Variants in FSD1L observed in about 807,000 individuals in gnomAD.
FSD1L encodes FSD1-like protein.
In FSD1L, 45 loss-of-function variants were observed where a neutral mutation model predicts 71.6. The ratio of observed to expected loss-of-function variants is 0.63; its 90% CI spans 0.49 to 0.81. FSD1L has a LOEUF of 0.81. Among genes scored for constraint, FSD1L ranks in the 30% least tolerant of loss-of-function variants. The probability of loss-of-function intolerance (pLI) is 0.00; values close to 1 mark genes in which losing one functional copy is unlikely to be tolerated. For synonymous variants in FSD1L, 197 were observed against 207.2 expected, an observed-to-expected ratio of 0.95 and a Z score of 0.42; for missense variants, 561 against 618.1, an observed-to-expected ratio of 0.91 and a Z score of 0.98.
intron 10 of FSD1L, chr9:105,526,286 C>A (rs1262845040): frequency 1.2e-6 from 2 of 1,606,734 alleles, no homozygotes; most frequent in Non-Finnish European, 1.7e-6. Context: ...GAACCAACAA[C>A]ATTTGAAGAT....
intron 7 of FSD1L, among the ~76,000 whole-genome samples, chr9:105,492,348 C>A (rs1189593440): frequency 6.6e-6 from 1 of 152,022 alleles, no homozygotes; most frequent in East Asian, 1.9e-4. Context: ...GGTGAGATCC[C>A]CTTTATCATT....
chr9:105,482,302 T>A (rs1329835952), intron 6 of FSD1L, among the ~76,000 whole-genome samples: 1 of 152,192 alleles, frequency 6.6e-6, no homozygotes, highest in East Asian at 1.9e-4. Flanking sequence ...GGCATGTACT[T>A]CTGGGGACTT....
chr9:105,464,006 A>T (rs1830890748), intron 2 of FSD1L, among the ~76,000 whole-genome samples: 1 of 152,174 alleles, frequency 6.6e-6, no homozygotes, highest in Non-Finnish European at 1.5e-5. Context: ...GAAAAGTATC[A>T]TGGTGATTAA....
chr9:105,519,135 CAA>C (rs1438661562), intron 10 of FSD1L, among the ~76,000 whole-genome samples: 2 of 152,258 alleles, frequency 1.3e-5, no homozygotes, highest in East Asian at 3.9e-4. Context: ...AGACCAATAA[CAA>C]ATTCTGAAAT....
intron 8 of FSD1L, among the ~76,000 whole-genome samples, chr9:105,507,690 T>A (rs553092615): frequency 2.6e-5 from 4 of 152,182 alleles, no homozygotes; most frequent in Admixed American, 1.3e-4. Context: ...ATAAAAATTA[T>A]TTAGGGTGTT....
chr9:105,515,136 C>T (rs1219453302), intron 10 of FSD1L, among the ~76,000 whole-genome samples: 1 of 152,134 alleles, frequency 6.6e-6, no homozygotes, highest in Non-Finnish European at 1.5e-5. Context: ...TGCACCAAGT[C>T]TGGTGCGAGA....
At chr9:105,448,467 T>G (rs1829768075) in intron 1 of FSD1L, among the ~76,000 whole-genome samples, 1 of 152,204 alleles carries the variant, frequency 6.6e-6, no homozygotes, top group Admixed American at 6.5e-5. Context: ...CTCTGCGCGC[T>G]GTCCGGGGCC....
In FSD1L at chr9:105,521,236, A is replaced by G. The variant is rs1437766587; in HGVS notation, c.1025+8300A>G. The G allele has an allele frequency of 2.5e-6, 4 of 1,614,098 alleles. No homozygotes were observed. In the South Asian group the frequency reaches 3.3e-5, roughly 13 times the overall value. On this transcript the variant is annotated intron_variant, in intron 10 of 13. Transcript: ENST00000481272. ...ACAGGACCTCATATTCCTGGGATGG[A>G]AGGTGAAGTCTTGCCAAAGAATATT...
chr9:105,455,277 C>G (rs1830292276), intron 1 of FSD1L, among the ~76,000 whole-genome samples: 1 of 152,168 alleles, frequency 6.6e-6, no homozygotes, highest in South Asian at 2.1e-4. Flanking sequence ...CTCAGCCTGC[C>G]ACCACTGGAC....
At chr9:105,513,057 C>A (rs1589049274) in intron 10 of FSD1L, 121 bp downstream of exon 10, 4 of 741,726 alleles carry the variant, frequency 5.4e-6, no homozygotes, top group Non-Finnish European at 7.9e-6. Flanking sequence ...ATATTAGTAG[C>A]ACCAAAGTGA....
chr9:105,490,178 C>T (rs1447473054), intron 7 of FSD1L, among the ~76,000 whole-genome samples: 1 of 152,148 alleles, frequency 6.6e-6, no homozygotes, highest in African/African-American at 2.4e-5. Flanking sequence ...TGTTTCCTGA[C>T]TTTTTAATGA....
intron 10 of FSD1L, chr9:105,513,656 C>T (rs1013202768): frequency 1.3e-6 from 2 of 1,509,642 alleles, no homozygotes; most frequent in African/African-American, 1.4e-5. Flanking sequence ...CTGTCTAGTT[C>T]TAGGACTTAG....
chr9:105,509,878 A>G (rs1834294943), intron 9 of FSD1L, among the ~76,000 whole-genome samples: 1 of 152,234 alleles, frequency 6.6e-6, no homozygotes, highest in South Asian at 2.1e-4. Flanking sequence ...TTTTAAAATA[A>G]TAGTCATATG....
intron 7 of FSD1L, among the ~76,000 whole-genome samples, chr9:105,492,134 CTT>C (rs1393057070): frequency 6.6e-6 from 1 of 151,924 alleles, no homozygotes; most frequent in East Asian, 1.9e-4. Flanking sequence ...GTCCTGGACT[CTT>C]TTTGGTTGGT....
chr9:105,470,783 C>A (rs1564089557), intron 4 of FSD1L, among the ~76,000 whole-genome samples: 1 of 152,090 alleles, frequency 6.6e-6, no homozygotes, highest in Non-Finnish European at 1.5e-5. Flanking sequence ...TTAAATAATT[C>A]AAGGATAATT....
intron 10 of FSD1L, among the ~76,000 whole-genome samples, chr9:105,517,680 C>CCGTT (rs1834819548): frequency 6.6e-6 from 1 of 152,104 alleles, no homozygotes; most frequent in South Asian, 2.1e-4. Context: ...ATGGAAAGAA[C>CCGTT]CATTGGTACC....
chr9:105,450,057 T>G (rs973395804), intron 1 of FSD1L, among the ~76,000 whole-genome samples: 3 of 152,244 alleles, frequency 2.0e-5, no homozygotes, highest in African/African-American at 7.2e-5. Context: ...GGTTTATAGC[T>G]GTAAAAAGAA....
At chr9:105,443,769 T>TA (rs1226696942), upstream of FSD1L, among the ~76,000 whole-genome samples, 79 of 151,610 alleles carry the variant, frequency 5.2e-4, no homozygotes, top group South Asian at 9.8e-3. Context: ...ATGTCTCTGT[T>TA]AAAAAAAAAT....
chr9:105,457,189 T>C (rs1830410792), intron 1 of FSD1L, among the ~76,000 whole-genome samples: 2 of 152,154 alleles, frequency 1.3e-5, no homozygotes, highest in Admixed American at 1.3e-4. Context: ...AGGTTATAGG[T>C]AGAGAAACTG....
Sources: gnomAD v4.1 joint callset for allele counts (sites outside exome capture counted in the v4.1 genomes callset) on GRCh38, gnomAD v4.1.1 for gene constraint, MANE v1.5 for transcripts, NCBI Gene and HGNC (gene_info 2026-07-23, HGNC 2026-07-21) for gene names.